Variants in SEZ6 observed in about 807,000 individuals in gnomAD.
SEZ6 encodes seizure protein 6 homolog.
SEZ6 carries 53 observed loss-of-function variants against 101.0 expected under a neutral mutation model. The observed-to-expected ratio is 0.52, with a 90% CI of 0.42 to 0.66. The LOEUF (loss-of-function observed/expected upper bound fraction) is 0.66. SEZ6 is among the 30% of genes least tolerant of loss of function. The pLI, the probability that SEZ6 is intolerant of heterozygous loss-of-function variation, is 0.00. For missense variants in SEZ6, 1,102 were observed against 1,289.4 expected (o/e 0.85, Z 2.23); for synonymous variants, 488 against 512.2 (o/e 0.95, Z 0.64).
At chr17:29,001,451 G>A (rs908475950) in intron 1 of SEZ6, among the ~76,000 whole-genome samples, 1 of 152,206 alleles carries the variant, frequency 6.6e-6, no homozygotes, top group Admixed American at 6.5e-5. Flanking sequence ...GACCCAGGCT[G>A]GAGGACAGGC....
At chr17:28,977,935 G>T (rs997607899) in intron 3 of SEZ6, among the ~76,000 whole-genome samples, 3 of 152,198 alleles carry the variant, frequency 2.0e-5, no homozygotes, top group Admixed American at 2.0e-4. Flanking sequence ...CTCCCAGTCA[G>T]CCCAGAGTGA....
intron 3 of SEZ6, among the ~76,000 whole-genome samples, chr17:28,979,022 C>T (rs2041261950): frequency 6.6e-6 from 1 of 152,080 alleles, no homozygotes; most frequent in Admixed American, 6.5e-5. Context: ...TGGTTCTGCT[C>T]CAGGTTTCTG....
intron 1 of SEZ6, among the ~76,000 whole-genome samples, chr17:28,995,522 G>T (rs574229227): frequency 3.3e-5 from 5 of 152,196 alleles, no homozygotes; most frequent in Non-Finnish European, 7.3e-5. Context: ...CAGGGTCTGA[G>T]AGCTGACGTG....
upstream of SEZ6, chr17:29,006,157 C>G (rs923060747): frequency 3.9e-6 from 1 of 255,124 alleles, no homozygotes. Flanking sequence ...AGCCCAGGCT[C>G]CCGCTCCACC....
At chr17:28,961,049 C>A in intron 5 of SEZ6, 76 bp from the exon 6 acceptor site, 3 of 1,533,494 alleles carry the variant, frequency 2.0e-6, no homozygotes, top group Non-Finnish European at 2.6e-6. Context: ...CCTCCCTATC[C>A]CAGCCCTATA....
At position 28,959,827 on chromosome 17, in the gene SEZ6, T is replaced by C; in HGVS notation, c.1642A>G (p.Thr548Ala). 6.2e-7 allele frequency: 1 copy of C among 1,613,856 alleles called. No homozygotes were observed. Among genetic ancestry groups the C allele is most frequent in the East Asian group, 2.2e-5 (1 of 44,888 alleles). ...KYGNFSSSTP[T>A]YPVGTTVEFS... ...TCCACAGTGGTACCCACAGGGTAGG[T>C]GGGTGTGCTGCTGCTGAAGTTACCG... The change falls in exon 8 of 17, where the codon ACC becomes GCC. Residue 548 changes from threonine (T) to alanine (A), a missense_variant. This residue lies in a region of SEZ6 where 556 missense variants were observed against 735.1 expected (regional missense o/e 0.76). Coordinates refer to ENST00000317338, the MANE Select transcript of SEZ6 (RefSeq NM_178860.5). This position sits in a 1 kb window ranked among gnomAD's most constrained non-coding sequence, Gnocchi z 4.4.
At chr17:28,979,594 C>G in intron 3 of SEZ6, 86 bp downstream of exon 3, 1 of 1,575,466 alleles carries the variant, frequency 6.3e-7, no homozygotes, top group Admixed American at 1.7e-5. Flanking sequence ...CCTAATCATC[C>G]CCACATCCTC....
At position 28,959,600 on chromosome 17, in the gene SEZ6, G is replaced by A. The variant is rs987178045; in HGVS notation, c.1771+98C>T. 2.3e-5 allele frequency: 36 copies of A among 1,535,318 alleles called. No individual in the cohort carries two copies. Among genetic ancestry groups the A allele is most frequent in the South Asian group, 3.7e-5 (3 of 80,704 alleles). ...CCTCCTTGGAGGAAGCCTGAACCAC[G>A]CATATCACAGGGCCCCTGTGGCCCC... On this transcript the variant is annotated intron_variant, in intron 8 of 16. Transcript: ENST00000317338. This position sits in a 1 kb window ranked among gnomAD's most constrained non-coding sequence, Gnocchi z 4.4.
intron 7 of SEZ6, chr17:28,960,137 G>A (rs2040952402): frequency 6.8e-6 from 4 of 590,420 alleles, no homozygotes; most frequent in Non-Finnish European, 1.2e-5. Flanking sequence ...TTAGTACACA[G>A]AAGGTACTCC....
chr17:29,005,837 C>T lies in SEZ6; in HGVS notation c.33G>A (p.Ser11=). Residue 11 remains serine, a synonymous_variant, in exon 1 of 17, where the codon TCG becomes TCA. Coordinates refer to ENST00000317338, the MANE Select transcript of SEZ6 (RefSeq NM_178860.5). The surrounding 1 kb of genome is among the most constrained non-coding windows in gnomAD (Gnocchi z 4.8). ...TACCGTGAGCCAGGAGCGCCAGCAG[C>T]GAGGGCAGGAGCAGCAGGGCTACCG... MRPVALLLLP[S]LLALLAHGLS... 6.7e-7 allele frequency: 1 copy of T among 1,486,004 alleles called. No individual in the cohort carries two copies. Among genetic ancestry groups the T allele is most frequent in the Non-Finnish European group, 8.9e-7 (1 of 1,118,620 alleles). 92.1% of individuals were successfully genotyped at this position (1,486,004 alleles called of 1,614,324 possible).
chr17:28,958,950 C>T (rs1466920586), intron 10 of SEZ6, 75 bp downstream of exon 10: 4 of 1,462,198 alleles, frequency 2.7e-6, no homozygotes, highest in Non-Finnish European at 3.7e-6. Flanking sequence ...AGCATTCAGG[C>T]ACCTCACTGC....
At chr17:28,979,392 C>G (rs1484230789) in intron 3 of SEZ6, among the ~76,000 whole-genome samples, 2 of 152,186 alleles carry the variant, frequency 1.3e-5, no homozygotes, top group African/African-American at 4.8e-5. Context: ...GCGAGGCAGC[C>G]CTGTGTTCTC....
At chr17:28,980,193 G>A (rs1277713353) in intron 2 of SEZ6, among the ~76,000 whole-genome samples, 2 of 146,432 alleles carry the variant, frequency 1.4e-5, no homozygotes, top group African/African-American at 2.6e-5. Context: ...AGCTCAATGA[G>A]GTTTGTTTTC....
chr17:28,967,756 G>A (rs2041091913), intron 4 of SEZ6, among the ~76,000 whole-genome samples: 1 of 152,164 alleles, frequency 6.6e-6, no homozygotes, highest in Non-Finnish European at 1.5e-5. Flanking sequence ...GGGCTGGAAT[G>A]GGGTGGAACT....
At position 28,982,108 on chromosome 17, in the gene SEZ6, T is replaced by G; in HGVS notation, c.56-69A>C. 3 of 1,485,210 alleles carry G rather than the reference T, an allele frequency of 2.0e-6. No homozygotes were observed. The Admixed American group carries it at 6.9e-5, about 34-fold the overall frequency. 92.0% of individuals were successfully genotyped at this position (1,485,210 alleles called of 1,614,324 possible). ...AGAGCAGCATCACGCCCAACTCGAG[T>G]AGTGGGGGGGCCCGCTCTCTTTTGA... On this transcript the variant is annotated intron_variant, in intron 1 of 16. Coordinates refer to ENST00000317338, the MANE Select transcript of SEZ6 (RefSeq NM_178860.5).
intron 1 of SEZ6, among the ~76,000 whole-genome samples, chr17:28,990,807 A>G (rs1265799578): frequency 6.6e-6 from 1 of 152,080 alleles, no homozygotes; most frequent in Admixed American, 6.6e-5. Context: ...TAATAATAAT[A>G]AAAGTAAAAA....
chr17:28,986,735 C>G (rs960757239), intron 1 of SEZ6, among the ~76,000 whole-genome samples: 4 of 152,224 alleles, frequency 2.6e-5, no homozygotes, highest in African/African-American at 9.6e-5. Flanking sequence ...GTTCCAATCC[C>G]AAATCGATGT....
rs1598182117 is a variant in SEZ6, at chr17:28,962,517, G to A, written c.1240+1445C>T. ...TTCATGGCTGGGTATGGTGGCTCAA[G>A]TCTGTAATCCCAGCACTTTGGGAGG... On this transcript the variant is annotated intron_variant, in intron 5 of 16. Coordinates refer to ENST00000317338, the MANE Select transcript of SEZ6 (RefSeq NM_178860.5). Among the ~76,000 whole-genome samples the A allele has an allele frequency of 2.0e-5, 3 of 152,142 alleles. No individual in the cohort carries two copies. In the South Asian group the frequency reaches 6.2e-4, roughly 32 times the overall value.
At chr17:28,981,344 A>G (rs1598199965) in intron 2 of SEZ6, 27 bp downstream of exon 2, 1 of 1,522,900 alleles carries the variant, frequency 6.6e-7, no homozygotes. Context: ...CCCCATTTCC[A>G]CATCTGCAAG....
Sources: allele counts gnomAD v4.1 joint callset (sites outside exome capture counted in the v4.1 genomes callset), GRCh38; gene constraint gnomAD v4.1.1; regional missense constraint gnomAD v4.1.1; non-coding constraint Gnocchi (gnomAD v3.1); transcripts MANE v1.5; gene names NCBI Gene and HGNC (gene_info 2026-07-23, HGNC 2026-07-21).